The following LGALS12 variants were observed in gnomAD, a reference collection of about 807,000 sequenced individuals.
The protein encoded by LGALS12 is galectin 12.
In LGALS12, 36 loss-of-function variants were observed where a neutral mutation model predicts 36.8. The ratio of observed to expected loss-of-function variants is 0.98; its 90% CI spans 0.75 to 1.29. LGALS12 has a LOEUF of 1.29. Among genes scored for constraint, LGALS12 ranks in the 50% most tolerant of loss-of-function variants. LGALS12 has a pLI of 0.00. For synonymous variants in LGALS12, 145 were observed against 155.9 expected (o/e 0.93, Z 0.52); for missense variants, 366 against 394.3 (o/e 0.93, Z 0.61).
At chr11:63,511,689 G>A in intron 6 of LGALS12, 63 bp from the exon 7 acceptor site, 9 of 1,225,490 alleles carry the variant, frequency 7.3e-6, no homozygotes, top group Non-Finnish European at 9.6e-6. Flanking sequence ...GGCCCCCGGG[G>A]ATGGGCGGTC....
intron 7 of LGALS12, among the ~76,000 whole-genome samples, chr11:63,513,588 G>C (rs1309852815): frequency 6.6e-6 from 1 of 152,204 alleles, no homozygotes; most frequent in East Asian, 1.9e-4. Context: ...GTTCAGCCGA[G>C]ATCCACCAAC....
chr11:63,515,671 G>C lies in LGALS12; in HGVS notation c.756G>C (p.Leu252=), dbSNP rs2017058563. The C allele has an allele frequency of 6.2e-7, 1 of 1,614,108 alleles. No individual in the cohort carries two copies. The highest frequency in any genetic ancestry group is 1.7e-5 in the Admixed American group (1 of 60,004). Residue 252 remains leucine (L), a synonymous_variant, in exon 8 of 9, where the codon CTG becomes CTC. Coordinates refer to ENST00000394618, the MANE Select transcript of LGALS12 (RefSeq NM_033101.4). ...TCTCCCGCTGGGGGCAGAAGAAACT[G>C]ATCTCAGCCCCCTTCCTCTTTTACC... is the stretch of plus-strand genomic sequence containing the variant. The part of the protein sequence containing the change: ...AWISRWGQKK[L]ISAPFLFYPQ...
At chr11:63,511,680 GCCCCCGGGGATGGGCGGTCCTCCCCAGT>G in intron 6 of LGALS12, 44 bp from the exon 7 acceptor site, 2 of 1,087,836 alleles carry the variant, frequency 1.8e-6, no homozygotes, top group Non-Finnish European at 2.8e-6. Context: ...TGCTCCCCTG[GCCCCCGGGGATGGGCGGTCCTCCCCAGT>G]CCCCCTGGAA....
Position 63,511,771 on chromosome 11 carries a change from C to T in LGALS12, c.578C>T (p.Ala193Val). The T allele has an allele frequency of 6.2e-7, 1 of 1,613,590 alleles. No homozygotes were observed. The highest frequency in any genetic ancestry group is 8.5e-7 in the Non-Finnish European group (1 of 1,179,736). Residue 193 changes from alanine to valine, a missense_variant, in exon 7 of 9, where the codon GCT becomes GTT. Coordinates refer to ENST00000394618, the MANE Select transcript of LGALS12 (RefSeq NM_033101.4). ...CTTCAGGAGGTGCCCTGCTCACATG[C>T]TCTTCCCCAGGGTCTCTCGCCTGGG... ...SPRLEVPCSH[A>V]LPQGLSPGQV...
chr11:63,509,636 G>C (rs2016854461), intron 3 of LGALS12, 142 bp from the exon 4 acceptor site: 2 of 838,376 alleles, frequency 2.4e-6, no homozygotes, highest in Admixed American at 5.4e-5. Context: ...CCAAGGCTCT[G>C]TAAAATGTAC....
chr11:63,511,629 G>A (rs992674672), intron 6 of LGALS12, 123 bp from the exon 7 acceptor site: 53 of 667,834 alleles, frequency 7.9e-5, no homozygotes, highest in Non-Finnish European at 1.1e-4. Flanking sequence ...AATAAGCAGC[G>A]TGTCCTGGCG....
intron 1 of LGALS12, 127 bp from the exon 2 acceptor site, chr11:63,508,426 T>C: frequency 1.4e-6 from 2 of 1,475,120 alleles, no homozygotes; most frequent in Non-Finnish European, 1.8e-6. Flanking sequence ...TTTTTACCTA[T>C]AAGGAATTTT....
rs2017060245 is a variant in LGALS12, at chr11:63,515,709, T to C, written c.794T>C (p.Phe265Ser). 6.2e-7 allele frequency: 1 copy of C among 1,613,876 alleles called. No individual in the cohort carries two copies. Among genetic ancestry groups the C allele is most frequent in the African/African-American group, 1.3e-5 (1 of 74,932 alleles). The change falls in exon 8 of 9, where the codon TTT becomes TCT. Residue 265 changes from phenylalanine to serine, a missense_variant. Transcript: ENST00000394618. Reference sequence around the variant, plus strand: ...TTCCTCTTTTACCCCCAGAGATTCTTTGAGGTAGGTCAGAGCCAAATGATT... The same window carrying C: ...TTCCTCTTTTACCCCCAGAGATTCTCTGAGGTAGGTCAGAGCCAAATGATT... ...APFLFYPQRF[F>S]EVLLLFQEGG...
At chr11:63,515,867 T>C (rs2017066717) in intron 8 of LGALS12, among the ~76,000 whole-genome samples, 154 bp downstream of exon 8, 1 of 152,088 alleles carries the variant, frequency 6.6e-6, no homozygotes, top group African/African-American at 2.4e-5. Context: ...TGTACAGCAG[T>C]CCTCAACGCT....
intron 3 of LGALS12, 126 bp from the exon 4 acceptor site, chr11:63,509,652 T>C: frequency 1.1e-6 from 1 of 945,084 alleles, no homozygotes; most frequent in Non-Finnish European, 1.6e-6. Flanking sequence ...TGTACCTACC[T>C]CATAGAGATG....
Position 63,516,435 on chromosome 11 carries a change from G to A in LGALS12, c.*42G>A. The A allele has an allele frequency of 6.2e-7, 1 of 1,611,138 alleles. No homozygotes were observed. The highest frequency in any genetic ancestry group is 8.5e-7 in the Non-Finnish European group (1 of 1,179,126). On this transcript the variant is annotated 3_prime_UTR_variant, in exon 9 of 9. Coordinates refer to ENST00000394618, the MANE Select transcript of LGALS12 (RefSeq NM_033101.4). ...ATACCGCCAGAAAACAAGAAGGTCA[G>A]CCCACTCCCAGGGCCCCACTCTCCT...
At chr11:63,515,474 T>A in intron 7 of LGALS12, 89 bp from the exon 8 acceptor site, 1 of 1,498,210 alleles carries the variant, frequency 6.7e-7, no homozygotes, top group Non-Finnish European at 9.1e-7. Context: ...TTCCATCCAC[T>A]CCCTGACCTC....
At chr11:63,512,866 A>G (rs949708299) in intron 7 of LGALS12, among the ~76,000 whole-genome samples, 2 of 152,036 alleles carry the variant, frequency 1.3e-5, no homozygotes, top group African/African-American at 2.4e-5. Flanking sequence ...TGCCTGGTAC[A>G]TGGTAAGTGT....
chr11:63,516,082 C>A (rs7131541), intron 8 of LGALS12, among the ~76,000 whole-genome samples, 165 bp from the exon 9 acceptor site: 1,876 of 152,346 alleles, frequency 0.012, 12 homozygotes, highest in Non-Finnish European at 0.018. Flanking sequence ...GGGCTGGTGA[C>A]AAGCCGGGCC....
At chr11:63,513,764 C>G (rs1290437327) in intron 7 of LGALS12, among the ~76,000 whole-genome samples, 1 of 152,176 alleles carries the variant, frequency 6.6e-6, no homozygotes, top group Non-Finnish European at 1.5e-5. Context: ...CACCTCATCC[C>G]TTCCCTCCTC....
chr11:63,516,309 C>CAGCAGCATGA lies in LGALS12; in HGVS notation c.862_863insGCAGCATGAA (p.Thr288SerfsTer124), dbSNP rs751150739. On this transcript the variant is annotated frameshift_variant, in exon 9 of 9. Coordinates refer to ENST00000394618, the MANE Select transcript of LGALS12 (RefSeq NM_033101.4). LOFTEE classifies it high-confidence loss of function. The stretch of plus-strand genomic sequence containing the variant: ...CGCTCAATGGGCAGGGGCTGGGGGC[C>CAGCAGCATGA]ACCAGCATGAACCAGCAGGCCCTGG... 6.2e-7 allele frequency: 1 copy of CAGCAGCATGA among 1,612,492 alleles called. No homozygotes were observed. Among genetic ancestry groups the CAGCAGCATGA allele is most frequent in the South Asian group, 1.1e-5 (1 of 90,984 alleles).
At chr11:63,506,661 G>A in intron 1 of LGALS12, 134 bp downstream of exon 1, 1 of 1,176,340 alleles carries the variant, frequency 8.5e-7, no homozygotes, top group South Asian at 1.4e-5. Context: ...CTGGGTTCTG[G>A]AAGGCCCTCC....
At chr11:63,506,669 T>A in intron 1 of LGALS12, 142 bp downstream of exon 1, 1 of 1,080,202 alleles carries the variant, frequency 9.3e-7, no homozygotes, top group Non-Finnish European at 1.4e-6. Flanking sequence ...TGGAAGGCCC[T>A]CCTGAGCTTA....
rs1590656127 is a variant in LGALS12 at position 63,516,515 on chromosome 11, G to A, written c.*122G>A. On this transcript the variant is annotated 3_prime_UTR_variant, in exon 9 of 9. Coordinates refer to ENST00000394618, the MANE Select transcript of LGALS12 (RefSeq NM_033101.4). Reference sequence around the variant, plus strand: ...GCACATCAGGCCTGGTTCACCTCTGGGGTCACGAGACTGAGTCTACAGGAG... The same window carrying A: ...GCACATCAGGCCTGGTTCACCTCTGAGGTCACGAGACTGAGTCTACAGGAG... 8.4e-7 allele frequency: 1 copy of A among 1,185,098 alleles called. No homozygotes were observed. The highest frequency in any genetic ancestry group is 2.5e-5 in the East Asian group (1 of 40,458). 73.4% of individuals were successfully genotyped at this position (1,185,098 alleles called of 1,614,324 possible).
Sources: allele counts gnomAD v4.1 joint callset (sites outside exome capture counted in the v4.1 genomes callset), GRCh38; gene constraint gnomAD v4.1.1; transcripts MANE v1.5; gene names NCBI Gene and HGNC (gene_info 2026-07-23, HGNC 2026-07-21).